The following SYK variants were observed in gnomAD, a reference collection of about 807,000 sequenced individuals.
SYK encodes tyrosine-protein kinase SYK.
In SYK, 16 loss-of-function variants were observed where a neutral mutation model predicts 77.8. The observed-to-expected ratio is 0.21, with a 90% CI of 0.14 to 0.31. SYK has a LOEUF of 0.31. SYK is among the 10% of genes least tolerant of loss of function. The probability of loss-of-function intolerance (pLI) is 1.00; values close to 1 mark genes in which losing one functional copy is unlikely to be tolerated. For synonymous variants in SYK, 312 were observed against 308.7 expected (o/e 1.01, Z -0.11); for missense variants, 529 against 814.4 (o/e 0.65, Z 4.26).
intron 1 of SYK, among the ~76,000 whole-genome samples, chr9:90,810,988 T>C (rs1000112503): frequency 5.3e-5 from 8 of 152,138 alleles, no homozygotes; most frequent in African/African-American, 1.7e-4. Flanking sequence ...AAAACTTTGC[T>C]CTTTATATCA....
intron 3 of SYK, among the ~76,000 whole-genome samples, chr9:90,848,955 C>T: frequency 6.6e-6 from 1 of 152,230 alleles, no homozygotes; most frequent in East Asian, 1.9e-4. Flanking sequence ...ACCATCCCCA[C>T]CCAGGGAATG....
chr9:90,893,283 A>C (rs1411632741), intron 13 of SYK, among the ~76,000 whole-genome samples: 2 of 152,100 alleles, frequency 1.3e-5, no homozygotes, highest in African/African-American at 4.8e-5. Context: ...CTCGTGTCGA[A>C]GTAGTTTCTC....
intron 11 of SYK, among the ~76,000 whole-genome samples, chr9:90,884,749 A>G (rs1261886871): frequency 2.6e-5 from 1 of 38,042 alleles, no homozygotes; most frequent in Non-Finnish European, 4.1e-5. Context: ...ATATACACAT[A>G]TACACATATG....
chr9:90,879,984 A>G (rs1828086582), intron 11 of SYK, among the ~76,000 whole-genome samples: 2 of 152,354 alleles, frequency 1.3e-5, no homozygotes, highest in South Asian at 4.1e-4. Context: ...ATGTTAACCA[A>G]CTGGAAAACG....
Position 90,874,306 on chromosome 9 carries a change from C to T in SYK, c.1003+15C>T. Reference sequence around the variant, plus strand: ...TGCAGACAAAGGTGAGACTTCCTTTCATTCAAGGGACATTCACAGAGCAAA... The same window carrying T: ...TGCAGACAAAGGTGAGACTTCCTTTTATTCAAGGGACATTCACAGAGCAAA... On this transcript the variant is annotated intron_variant, in intron 8 of 13. Transcript: ENST00000375754. 10 of 1,613,124 alleles carry T rather than the reference C, an allele frequency of 6.2e-6. No homozygotes were observed. The highest frequency in any genetic ancestry group is 8.5e-6 in the Non-Finnish European group (10 of 1,179,110).
intron 11 of SYK, among the ~76,000 whole-genome samples, chr9:90,887,314 GA>G (rs1564125090): frequency 6.6e-6 from 1 of 152,048 alleles, no homozygotes; most frequent in Non-Finnish European, 1.5e-5. Context: ...CTCATCTGCT[GA>G]AGGACACTTG....
At chr9:90,832,554 C>T (rs1825932979) in intron 1 of SYK, among the ~76,000 whole-genome samples, 1 of 152,228 alleles carries the variant, frequency 6.6e-6, no homozygotes, top group Admixed American at 6.5e-5. Context: ...GGCTCAGCTC[C>T]TTCCTTCCTA....
At position 90,843,821 on chromosome 9, in the gene SYK, G is replaced by A. The variant is rs7855964; in HGVS notation, c.-41-37G>A. ...TTAGCAAACGTTCCCTGCCACGTGG[G>A]GTCCTCACCAAAGTTCTCTGTCTCT... On this transcript the variant is annotated intron_variant, in intron 1 of 13. Transcript: ENST00000375754. The A allele has an allele frequency of 0.27, 367,884 of 1,382,802 alleles. 52,035 individuals carry two copies. The highest frequency in any genetic ancestry group is 0.42 in the African/African-American group (28,704 of 67,724). The allele number at this position is 1,382,802 out of a possible 1,614,324, so 85.7% of individuals were successfully genotyped here.
intron 1 of SYK, among the ~76,000 whole-genome samples, chr9:90,823,187 G>A (rs1258729261): frequency 6.6e-6 from 1 of 152,142 alleles, no homozygotes; most frequent in Non-Finnish European, 1.5e-5. Context: ...ATGGTAAAGG[G>A]GTCGAATATC....
intron 4 of SYK, among the ~76,000 whole-genome samples, chr9:90,863,549 T>C (rs1382472450): frequency 6.6e-6 from 1 of 152,236 alleles, no homozygotes; most frequent in Non-Finnish European, 1.5e-5. Context: ...TATGATCATA[T>C]TAAAAAATGT....
chr9:90,862,304 T>G lies in SYK; in HGVS notation c.677T>G (p.Leu226Arg). 1 of 1,613,996 alleles carries G rather than the reference T, an allele frequency of 6.2e-7. No individual in the cohort carries two copies. Among genetic ancestry groups the G allele is most frequent in the Non-Finnish European group, 8.5e-7 (1 of 1,179,956 alleles). ...ATCGACAAAGACAAGACAGGGAAGC[T>G]CTCCATCCCCGAGGGAAAGAAGTTC... ...YRIDKDKTGK[L>R]SIPEGKKFDT... is the part of the protein sequence containing the mutation. Residue 226 changes from leucine to arginine, a missense_variant, in exon 4 of 14, where the codon CTC (leucine) becomes CGC (arginine). By Grantham distance (102) the Leu-to-Arg change is moderately radical. Coordinates refer to ENST00000375754, the MANE Select transcript of SYK (RefSeq NM_003177.7).
At chr9:90,844,370 A>C (rs1826497264) in intron 2 of SYK, 55 bp downstream of exon 2, 9 of 1,479,456 alleles carry the variant, frequency 6.1e-6, no homozygotes, top group African/African-American at 1.4e-5. Context: ...GACCCCACAC[A>C]GACTTCCTGG....
intron 1 of SYK, among the ~76,000 whole-genome samples, chr9:90,828,900 A>C (rs1352012903): frequency 6.6e-6 from 1 of 152,140 alleles, no homozygotes; most frequent in Non-Finnish European, 1.5e-5. Flanking sequence ...GCTCACACTG[A>C]ACGTGGTCAA....
intron 5 of SYK, 40 bp downstream of exon 5, chr9:90,864,707 T>C (rs1827409986): frequency 6.4e-7 from 1 of 1,555,212 alleles, no homozygotes; most frequent in East Asian, 2.2e-5. Context: ...GTTTGAGGTA[T>C]CAGTGACAAT....
chr9:90,834,662 A>C (rs1373855314), intron 1 of SYK, among the ~76,000 whole-genome samples: 1 of 152,204 alleles, frequency 6.6e-6, no homozygotes, highest in Admixed American at 6.5e-5. Flanking sequence ...CCAACCCATG[A>C]CCCATAGGCC....
chr9:90,867,064 C>T, intron 6 of SYK, 67 bp from the exon 7 acceptor site: 1 of 1,576,456 alleles, frequency 6.3e-7, no homozygotes, highest in Non-Finnish European at 8.7e-7. Context: ...AGTAGCATGT[C>T]GTGGAAGGGA....
chr9:90,854,009 G>T (rs151110452), intron 3 of SYK, among the ~76,000 whole-genome samples: 1 of 152,148 alleles, frequency 6.6e-6, no homozygotes. Context: ...GGTGGATGCC[G>T]AGTGGGTGTG....
At chr9:90,843,829 C>T (rs898377557) in intron 1 of SYK, 29 bp from the exon 2 acceptor site, 11 of 1,408,190 alleles carry the variant, frequency 7.8e-6, no homozygotes, top group African/African-American at 1.5e-5. Context: ...GGGGTCCTCA[C>T]CAAAGTTCTC....
chr9:90,831,281 G>A (rs1228795985), intron 1 of SYK, among the ~76,000 whole-genome samples: 2 of 152,204 alleles, frequency 1.3e-5, no homozygotes. Flanking sequence ...ACCTGCCGGA[G>A]CCATGCTTCA....
Sources: allele counts gnomAD v4.1 joint callset (sites outside exome capture counted in the v4.1 genomes callset), GRCh38; gene constraint gnomAD v4.1.1; transcripts MANE v1.5; gene names NCBI Gene and HGNC (gene_info 2026-07-23, HGNC 2026-07-21).